GTF2F2: variants seen among roughly 807,000 people sequenced by gnomAD.
GTF2F2 encodes general transcription factor IIF subunit 2.
A neutral mutation model predicts 42.2 loss-of-function variants in GTF2F2; 23 were observed. The ratio of observed to expected loss-of-function variants is 0.55; its 90% CI spans 0.39 to 0.77. GTF2F2 has a LOEUF of 0.77. GTF2F2 is among the 30% of genes least tolerant of loss of function. GTF2F2 has a pLI of 0.00. For synonymous variants in GTF2F2, 105 were observed against 100.8 expected (o/e 1.04, Z -0.25); for missense variants, 261 against 287.2 (o/e 0.91, Z 0.66).
chr13:45,221,197 G>A (rs1485904254), intron 5 of GTF2F2, among the ~76,000 whole-genome samples: 1 of 151,896 alleles, frequency 6.6e-6, no homozygotes, highest in Non-Finnish European at 1.5e-5. Context: ...CATTTTTTAC[G>A]CAGTTTCTCA....
chr13:45,159,253 G>T (rs1011841773), intron 4 of GTF2F2, among the ~76,000 whole-genome samples: 1 of 152,222 alleles, frequency 6.6e-6, no homozygotes, highest in African/African-American at 2.4e-5. Flanking sequence ...ATTTGAAGAA[G>T]AATGTATAGC....
chr13:45,276,017 A>T (rs1186370594), intron 7 of GTF2F2, among the ~76,000 whole-genome samples: 1 of 152,220 alleles, frequency 6.6e-6, no homozygotes, highest in African/African-American at 2.4e-5. Flanking sequence ...TCTTTAGATT[A>T]CTTATATAAT....
At chr13:45,151,902 T>G in intron 4 of GTF2F2, 71 bp downstream of exon 4, 1 of 439,202 alleles carries the variant, frequency 2.3e-6, no homozygotes, top group Non-Finnish European at 4.0e-6. Context: ...CAACATACAC[T>G]CCTATTTGCT....
chr13:45,167,593 T>A (rs1291515638), intron 4 of GTF2F2, among the ~76,000 whole-genome samples: 1 of 151,982 alleles, frequency 6.6e-6, no homozygotes, highest in Non-Finnish European at 1.5e-5. Context: ...AGAGATGGGG[T>A]TCTACCATGT....
Position 45,202,350 on chromosome 13 carries a change from G to A in GTF2F2, c.305-5074G>A, listed in dbSNP as rs566856870. 2.0e-5 allele frequency among the ~76,000 whole-genome samples: 3 copies of A among 152,272 alleles called. No individual in the cohort carries two copies. The South Asian group carries it at 6.2e-4, about 32-fold the overall frequency. On this transcript the variant is annotated intron_variant, in intron 4 of 7. Coordinates refer to ENST00000340473, the MANE Select transcript of GTF2F2 (RefSeq NM_004128.3). ...TGCGGTGAGCCAAGATCGCGCCACT[G>A]CACTCCAGTCTAGGCAACAGAGCGA...
Position 45,174,992 on chromosome 13 carries a change from C to T in GTF2F2, c.304+23161C>T, listed in dbSNP as rs1871802989. On this transcript the variant is annotated intron_variant, in intron 4 of 7. Coordinates refer to ENST00000340473, the MANE Select transcript of GTF2F2 (RefSeq NM_004128.3). ...AATCTTACAGCTCTTTGAAAATATG[C>T]ACTAAATTATTGTTAACTATAGTCA... Among the ~76,000 whole-genome samples, 3 of 152,126 alleles carry T rather than the reference C, an allele frequency of 2.0e-5. No homozygotes were observed. In the South Asian group the frequency reaches 6.2e-4, roughly 32 times the overall value.
chr13:45,173,853 G>A (rs1294498006), intron 4 of GTF2F2, among the ~76,000 whole-genome samples: 3 of 151,898 alleles, frequency 2.0e-5, no homozygotes, highest in Non-Finnish European at 4.4e-5. Context: ...TCCTGACCTC[G>A]TGATCCACCT....
intron 5 of GTF2F2, among the ~76,000 whole-genome samples, chr13:45,249,651 C>A (rs1216536832): frequency 1.3e-5 from 2 of 152,132 alleles, no homozygotes; most frequent in Non-Finnish European, 2.9e-5. Context: ...GTAATGGGAA[C>A]AATCATTTAA....
chr13:45,161,609 A>G (rs1439738221), intron 4 of GTF2F2, among the ~76,000 whole-genome samples: 1 of 152,186 alleles, frequency 6.6e-6, no homozygotes, highest in Non-Finnish European at 1.5e-5. Context: ...TGGGAGGCCA[A>G]GGTGGGCAGA....
chr13:45,131,808 GGTGGGAGTATC>G (rs1869362869), intron 1 of GTF2F2, among the ~76,000 whole-genome samples: 1 of 151,402 alleles, frequency 6.6e-6, no homozygotes, highest in Non-Finnish European at 1.5e-5. Context: ...GGGAGGCTGA[GGTGGGAGTATC>G]GTTGGAGCCC....
Position 45,154,168 on chromosome 13 carries a change from G to T in GTF2F2, c.304+2337G>T, listed in dbSNP as rs1486329868. ...GTCATTGCCTTGATAAACGTTTGAG[G>T]TAGAGAAACTTGAACTTTTTTTTGT... is the stretch of plus-strand genomic sequence containing the variant. On this transcript the variant is annotated intron_variant, in intron 4 of 7. Coordinates refer to ENST00000340473, the MANE Select transcript of GTF2F2 (RefSeq NM_004128.3). Among the ~76,000 whole-genome samples, 3 of 151,936 alleles carry T rather than the reference G, an allele frequency of 2.0e-5. No homozygotes were observed. The South Asian group carries it at 6.2e-4, about 32-fold the overall frequency.
intron 6 of GTF2F2, among the ~76,000 whole-genome samples, chr13:45,259,959 A>C (rs181197113): frequency 2.0e-5 from 3 of 152,148 alleles, no homozygotes; most frequent in African/African-American, 7.2e-5. Flanking sequence ...CAGTTTGAAA[A>C]AATAAGTTTT....
intron 4 of GTF2F2, chr13:45,207,005 A>AACACACACACAC (rs10547539): frequency 0.024 from 3,287 of 139,256 alleles, 52 homozygotes; most frequent in African/African-American, 0.033. Flanking sequence ...CACATACACA[A>AACACACACACAC]ACACACACAC....
At chr13:45,278,671 C>G (rs1268070524) in intron 7 of GTF2F2, among the ~76,000 whole-genome samples, 1 of 151,904 alleles carries the variant, frequency 6.6e-6, no homozygotes, top group Non-Finnish European at 1.5e-5. Context: ...CTGTTCAAAT[C>G]GAATGATCAA....
rs1014876052 is a variant in GTF2F2, at chr13:45,284,516, G to A, written c.*955G>A. 1 of 151,946 alleles carries A rather than the reference G, an allele frequency of 6.6e-6. No individual in the cohort carries two copies. The highest frequency in any genetic ancestry group is 1.9e-4 in the East Asian group (1 of 5,198). 9.4% of individuals were successfully genotyped at this position (151,946 alleles called of 1,614,324 possible). ...CACAACACAATATTATATATTAAGC[G>A]ATCCAAAATCATACTGTCAAGACCA... On this transcript the variant is annotated 3_prime_UTR_variant, in exon 8 of 8. Coordinates refer to ENST00000340473, the MANE Select transcript of GTF2F2 (RefSeq NM_004128.3).
At chr13:45,173,104 A>G (rs993065249) in intron 4 of GTF2F2, among the ~76,000 whole-genome samples, 30 of 152,280 alleles carry the variant, frequency 2.0e-4, no homozygotes, top group Admixed American at 1.2e-3. Context: ...AAAATATGCA[A>G]TGTAGAGACA....
At chr13:45,181,054 C>A (rs1211717931) in intron 4 of GTF2F2, among the ~76,000 whole-genome samples, 1 of 151,808 alleles carries the variant, frequency 6.6e-6, no homozygotes, top group Admixed American at 6.6e-5. Flanking sequence ...GTAGTTCCAG[C>A]TATTCAGGAG....
At chr13:45,147,686 T>A (rs1325907277) in intron 2 of GTF2F2, among the ~76,000 whole-genome samples, 1 of 152,232 alleles carries the variant, frequency 6.6e-6, no homozygotes, top group Non-Finnish European at 1.5e-5. Flanking sequence ...GACTGAGAAG[T>A]CCTACAGTAA....
chr13:45,217,204 C>T (rs1425972631), intron 5 of GTF2F2, among the ~76,000 whole-genome samples: 1 of 149,852 alleles, frequency 6.7e-6, no homozygotes, highest in Non-Finnish European at 1.5e-5. Flanking sequence ...GAGGTTGAGG[C>T]AGAGAATTGC....
Sources: gnomAD v4.1 joint callset for allele counts (sites outside exome capture counted in the v4.1 genomes callset) on GRCh38, gnomAD v4.1.1 for gene constraint, MANE v1.5 for transcripts, NCBI Gene and HGNC (gene_info 2026-07-23, HGNC 2026-07-21) for gene names.